Variants in CSGALNACT1 observed in about 807,000 individuals in gnomAD.
The protein encoded by CSGALNACT1 is chondroitin sulfate N-acetylgalactosaminyltransferase 1.
Under a neutral mutation model 51.0 loss-of-function variants are expected in CSGALNACT1, and 52 were observed. The ratio of observed to expected loss-of-function variants is 1.02; its 90% CI spans 0.82 to 1.29. CSGALNACT1 has a LOEUF of 1.29. Ranked by LOEUF, CSGALNACT1 falls within the 50% of genes most tolerant of loss-of-function variation. The probability of loss-of-function intolerance (pLI) is 0.00; values close to 1 mark genes in which losing one functional copy is unlikely to be tolerated. For synonymous variants in CSGALNACT1, 341 were observed against 254.4 expected (o/e 1.34, Z -3.24); for missense variants, 935 against 679.2 (o/e 1.38, Z -4.19).
At chr8:19,626,486 A>C (rs750987699) in intron 1 of CSGALNACT1, among the ~76,000 whole-genome samples, 19 of 152,208 alleles carry the variant, frequency 1.2e-4, no homozygotes, top group Admixed American at 3.9e-4. Flanking sequence ...TAAAAATATA[A>C]AACCTTTAGA....
intron 3 of CSGALNACT1, among the ~76,000 whole-genome samples, chr8:19,519,384 C>G (rs943518053): frequency 2.6e-5 from 4 of 152,180 alleles, no homozygotes; most frequent in Admixed American, 2.0e-4. Flanking sequence ...AGCACCATCA[C>G]AATGATCTGC....
At chr8:19,478,402 A>G (rs1352675939) in intron 4 of CSGALNACT1, among the ~76,000 whole-genome samples, 1 of 121,350 alleles carries the variant, frequency 8.2e-6, no homozygotes, top group African/African-American at 3.1e-5. Flanking sequence ...CGACAGAGCG[A>G]GACTCCGTCT....
intron 3 of CSGALNACT1, among the ~76,000 whole-genome samples, chr8:19,565,166 A>C (rs2154101807): frequency 1.3e-5 from 2 of 152,346 alleles, no homozygotes; most frequent in Admixed American, 1.3e-4. Context: ...CAGACTTTCG[A>C]AGTGTTTCTG....
chr8:19,534,329 T>C (rs2083346222), intron 3 of CSGALNACT1, among the ~76,000 whole-genome samples: 1 of 152,012 alleles, frequency 6.6e-6, no homozygotes, highest in Non-Finnish European at 1.5e-5. Flanking sequence ...CAGGTGCCTT[T>C]AGTACCAGCT....
intron 1 of CSGALNACT1, among the ~76,000 whole-genome samples, chr8:19,673,563 C>G (rs566538645): frequency 6.6e-6 from 1 of 152,182 alleles, no homozygotes; most frequent in Non-Finnish European, 1.5e-5. Context: ...GTGAAAGCCA[C>G]GTGTATTTCC....
intron 1 of CSGALNACT1, among the ~76,000 whole-genome samples, chr8:19,720,476 C>T (rs1213629275): frequency 2.0e-5 from 3 of 152,302 alleles, no homozygotes; most frequent in East Asian, 1.9e-4. Context: ...GGCCACTTCA[C>T]ACTAAAATAT....
At chr8:19,668,831 G>C (rs2059577388) in intron 1 of CSGALNACT1, among the ~76,000 whole-genome samples, 2 of 152,218 alleles carry the variant, frequency 1.3e-5, no homozygotes, top group Non-Finnish European at 2.9e-5. Context: ...GGGATTACAG[G>C]AGTGAGCCAC....
intron 3 of CSGALNACT1, among the ~76,000 whole-genome samples, chr8:19,525,979 A>G (rs2081604158): frequency 6.6e-6 from 1 of 152,208 alleles, no homozygotes; most frequent in African/African-American, 2.4e-5. Context: ...ATTCCATTTT[A>G]TCATATGTGC....
intron 8 of CSGALNACT1, among the ~76,000 whole-genome samples, chr8:19,412,885 C>T (rs2056140756): frequency 6.6e-6 from 1 of 152,086 alleles, no homozygotes; most frequent in Non-Finnish European, 1.5e-5. Context: ...AGTGATCATG[C>T]TGCACAGGGT....
At chr8:19,610,346 G>A (rs573334416) in intron 1 of CSGALNACT1, among the ~76,000 whole-genome samples, 87 of 151,182 alleles carry the variant, frequency 5.8e-4, no homozygotes, top group Admixed American at 1.2e-3. Context: ...GCTGGGTAGA[G>A]GTGAAGGCGT....
chr8:19,459,508 G>T (rs1051649481), intron 4 of CSGALNACT1, among the ~76,000 whole-genome samples: 3 of 151,822 alleles, frequency 2.0e-5, no homozygotes, highest in African/African-American at 7.3e-5. Flanking sequence ...GGGACCCTCT[G>T]GAAGCTTCTA....
At chr8:19,739,447 G>C (rs539696179) in intron 1 of CSGALNACT1, among the ~76,000 whole-genome samples, 1 of 152,190 alleles carries the variant, frequency 6.6e-6, no homozygotes, top group Non-Finnish European at 1.5e-5. Context: ...GATGAAGAAA[G>C]ACCACATGAC....
chr8:19,438,136 C>T (rs368664125), intron 6 of CSGALNACT1, among the ~76,000 whole-genome samples: 36 of 151,688 alleles, frequency 2.4e-4, no homozygotes, highest in African/African-American at 8.5e-4. Context: ...GGCTGTGAAG[C>T]CCAGCTGTAC....
intron 4 of CSGALNACT1, among the ~76,000 whole-genome samples, chr8:19,477,132 C>T (rs1030097416): frequency 1.3e-5 from 2 of 152,248 alleles, no homozygotes; most frequent in Non-Finnish European, 2.9e-5. Context: ...AAGTTCACAA[C>T]ATGTAAATAT....
chr8:19,718,109 T>C (rs1589674621), intron 1 of CSGALNACT1, among the ~76,000 whole-genome samples: 1 of 152,194 alleles, frequency 6.6e-6, no homozygotes, highest in East Asian at 1.9e-4. Context: ...GGCCTTCTTT[T>C]TGAGACAGAG....
At chr8:19,724,660 T>G in intron 1 of CSGALNACT1, among the ~76,000 whole-genome samples, 1 of 152,252 alleles carries the variant, frequency 6.6e-6, no homozygotes, top group East Asian at 1.9e-4. Flanking sequence ...TTCTGCCTGC[T>G]GTTGCACCCT....
At chr8:19,535,278 G>C (rs540811963) in intron 3 of CSGALNACT1, among the ~76,000 whole-genome samples, 1 of 151,986 alleles carries the variant, frequency 6.6e-6, no homozygotes, top group Non-Finnish European at 1.5e-5. Context: ...AAATTTCAGC[G>C]TGTTCTTCTA....
intron 3 of CSGALNACT1, among the ~76,000 whole-genome samples, chr8:19,512,638 T>C (rs903613264): frequency 2.2e-4 from 34 of 152,170 alleles, no homozygotes; most frequent in African/African-American, 8.0e-4. Flanking sequence ...TAATCAGTTC[T>C]CCGTTTGAGA....
chr8:19,448,785 A>T (rs948650885), intron 5 of CSGALNACT1, among the ~76,000 whole-genome samples: 1 of 152,226 alleles, frequency 6.6e-6, no homozygotes, highest in Non-Finnish European at 1.5e-5. Context: ...CAGGTATGTG[A>T]TGAATACCTA....
Sources: gnomAD v4.1 joint callset for allele counts (sites outside exome capture counted in the v4.1 genomes callset) on GRCh38, gnomAD v4.1.1 for gene constraint, MANE v1.5 for transcripts, NCBI Gene and HGNC (gene_info 2026-07-23, HGNC 2026-07-21) for gene names.